MAPKBP1: variants seen among roughly 807,000 people sequenced by gnomAD.
MAPKBP1 encodes mitogen-activated protein kinase binding protein 1.
MAPKBP1 carries 71 observed loss-of-function variants against 170.5 expected under a neutral mutation model. The observed-to-expected ratio is 0.42, with a 90% confidence interval of 0.34 to 0.51. The LOEUF is 0.51. Ranked by LOEUF, MAPKBP1 falls within the 20% of genes least tolerant of loss-of-function variation. The pLI, the probability that MAPKBP1 is intolerant of heterozygous loss-of-function variation, is 0.06. For synonymous variants in MAPKBP1, 719 were observed against 757.9 expected (o/e 0.95, Z 0.84); for missense variants, 1,598 against 1,933.0 (o/e 0.83, Z 3.25).
chr15:41,787,511 G>A (rs548028664), intron 2 of MAPKBP1, among the ~76,000 whole-genome samples: 1 of 152,164 alleles, frequency 6.6e-6, no homozygotes, highest in South Asian at 2.1e-4. Flanking sequence ...GGGACTACAG[G>A]CACCCGCCAC....
Position 41,825,243 on chromosome 15 carries a change from G to A in MAPKBP1, c.4334G>A (p.Ser1445Asn), listed in dbSNP as rs1162633502. 1.1e-5 allele frequency: 18 copies of A among 1,600,752 alleles called. No individual in the cohort carries two copies. Among genetic ancestry groups the A allele is most frequent in the Non-Finnish European group, 1.5e-5 (18 of 1,169,596 alleles). ...TGCAAGATGCCCTCAGCAGAGCAAA[G>A]TCGGATTGCCCAGCTCCTCAGAGAC... ...AGCKMPSAEQ[S>N]RIAQLLRDTF... is the part of the protein sequence containing the mutation. Residue 1445 changes from serine to asparagine, a missense_variant, in exon 31 of 31, where the codon AGT (serine) becomes AAT (asparagine). Physicochemically the swap from Ser to Asn is conservative, Grantham distance 46. Around this residue, in one of 6 missense-constraint regions of MAPKBP1, gnomAD observed 942 missense variants for 953.2 expected, o/e 0.99. Coordinates refer to ENST00000457542, the MANE Select transcript of MAPKBP1 (RefSeq NM_014994.3).
Position 41,824,557 on chromosome 15 carries a change from GC to G in MAPKBP1, c.4288del (p.Leu1430SerfsTer89). 6.3e-7 allele frequency: 1 copy of G among 1,596,962 alleles called. No individual in the cohort carries two copies. Among genetic ancestry groups the G allele is most frequent in the Non-Finnish European group, 8.5e-7 (1 of 1,173,400 alleles). On this transcript the variant is annotated frameshift_variant, in exon 30 of 31. Coordinates refer to ENST00000457542, the MANE Select transcript of MAPKBP1 (RefSeq NM_014994.3). LOFTEE classifies it high-confidence loss of function. ...GCGGCAGCGTGCGCCAGGCAGTGCG[GC>G]TCTACCACTCGGTGGGTGTTAGGTG... ...LRGSVRQAVR[L>X]YHSVAGCKMP...
chr15:41,785,097 A>G (rs749292890), intron 2 of MAPKBP1, among the ~76,000 whole-genome samples: 1 of 152,160 alleles, frequency 6.6e-6, no homozygotes, highest in Non-Finnish European at 1.5e-5. Flanking sequence ...TCACAGCTAT[A>G]AGGGGTTGCT....
At chr15:41,786,777 A>AAAAAAAAAAAATATATATATATAT in intron 2 of MAPKBP1, among the ~76,000 whole-genome samples, 3 of 32,450 alleles carry the variant, frequency 9.2e-5, no homozygotes, top group African/African-American at 1.3e-4. Flanking sequence ...AAAAAAAAAA[A>AAAAAAAAAAAATATATATATATAT]ATATATATAT....
At chr15:41,800,032 T>C in intron 3 of MAPKBP1, 118 bp downstream of exon 3, 1 of 856,176 alleles carries the variant, frequency 1.2e-6, no homozygotes, top group Middle Eastern at 2.3e-4. Context: ...GTTAATGTTT[T>C]GTTGTCATTT....
intron 2 of MAPKBP1, among the ~76,000 whole-genome samples, chr15:41,794,108 T>C (rs1299029485): frequency 1.3e-5 from 2 of 152,106 alleles, no homozygotes; most frequent in Non-Finnish European, 2.9e-5. Flanking sequence ...GGTGGGTGCC[T>C]GTAATCCTAG....
Position 41,821,018 on chromosome 15 carries a change from G to T in MAPKBP1, c.2668G>T (p.Gly890Cys). ...SQDSLAIIPS[G>C]PRKHGQEALE... Reference sequence around the variant, plus strand: ...GGACTCGCTGGCCATCATCCCATCTGGTCCCAGGAAGCATGGGCAGGAGGC... The same window carrying T: ...GGACTCGCTGGCCATCATCCCATCTTGTCCCAGGAAGCATGGGCAGGAGGC... Residue 890 changes from glycine (G) to cysteine (C), a missense_variant, in exon 23 of 31, where the codon GGT becomes TGT. By Grantham distance (159) the Gly-to-Cys change is radical. Coordinates refer to ENST00000457542, the MANE Select transcript of MAPKBP1 (RefSeq NM_014994.3). The T allele has an allele frequency of 6.2e-7, 1 of 1,614,168 alleles. No individual in the cohort carries two copies. Among genetic ancestry groups the T allele is most frequent in the East Asian group, 2.2e-5 (1 of 44,882 alleles).
rs375602517 is a variant in MAPKBP1 at position 41,811,989 on chromosome 15, C to T, written c.360C>T (p.Asp120=). The change falls in exon 6 of 31, where the codon GAC becomes GAT. Residue 120 remains aspartate, a synonymous_variant. Coordinates refer to ENST00000457542, the MANE Select transcript of MAPKBP1 (RefSeq NM_014994.3). Reference sequence around the variant, plus strand: ...ACATGCCTGCCGTGCGGGTTTGGGACGTGGCAGAGCACAGCCAGGTGGCCG... The same window carrying T: ...ACATGCCTGCCGTGCGGGTTTGGGATGTGGCAGAGCACAGCCAGGTGGCCG... ...SGHMPAVRVW[D]VAEHSQVAEL... is the part of the protein sequence containing the mutation. 54 of 1,613,964 alleles carry T rather than the reference C, an allele frequency of 3.3e-5. No individual in the cohort carries two copies. The highest frequency in any genetic ancestry group is 1.1e-4 in the South Asian group (10 of 91,078).
At chr15:41,803,845 A>G (rs541472286) in intron 3 of MAPKBP1, among the ~76,000 whole-genome samples, 3 of 151,804 alleles carry the variant, frequency 2.0e-5, no homozygotes, top group Non-Finnish European at 2.9e-5. Context: ...GGGAGACCAC[A>G]CTGTTTTTTT....
intron 12 of MAPKBP1, chr15:41,816,140 T>A (rs920227260): frequency 8.8e-6 from 3 of 342,442 alleles, no homozygotes; most frequent in Non-Finnish European, 1.6e-5. Flanking sequence ...GAGTAACTGA[T>A]CAATACTCTT....
At chr15:41,788,394 G>T (rs1287694046) in intron 2 of MAPKBP1, among the ~76,000 whole-genome samples, 2 of 152,210 alleles carry the variant, frequency 1.3e-5, no homozygotes, top group South Asian at 2.1e-4. Flanking sequence ...GTGTAGACTG[G>T]TAGGAGAGAT....
Position 41,775,320 on chromosome 15 carries a change from G to C in MAPKBP1, c.45G>C (p.Leu15=), listed in dbSNP as rs964534101. 3.1e-6 allele frequency: 5 copies of C among 1,614,044 alleles called. No individual in the cohort carries two copies. Among genetic ancestry groups the C allele is most frequent in the Middle Eastern group, 1.6e-4 (1 of 6,084 alleles). The change falls in exon 2 of 31, where the codon CTG becomes CTC. Residue 15 remains leucine, a synonymous_variant. Coordinates refer to ENST00000457542, the MANE Select transcript of MAPKBP1 (RefSeq NM_014994.3). ...CCATTACCAGCCGGATCAAGAATCTGTTGAGATCTCCATCCATCAAACTGC... is the reference window on the plus strand; with the variant it reads ...CCATTACCAGCCGGATCAAGAATCTCTTGAGATCTCCATCCATCAAACTGC... ...GSTITSRIKN[L]LRSPSIKLRR...
rs2064844218 is a variant in MAPKBP1 at position 41,813,750 on chromosome 15, G to A, written c.949G>A (p.Gly317Arg). 1 of 1,608,864 alleles carries A rather than the reference G, an allele frequency of 6.2e-7. No individual in the cohort carries two copies. The highest frequency in any genetic ancestry group is 8.5e-7 in the Non-Finnish European group (1 of 1,177,838). Residue 317 changes from glycine (G) to arginine (R), a missense_variant, in exon 9 of 31, where the codon GGG becomes AGG. This residue lies in a region of MAPKBP1 where 430 missense variants were observed against 617.2 expected (regional missense o/e 0.70). Coordinates refer to ENST00000457542, the MANE Select transcript of MAPKBP1 (RefSeq NM_014994.3). ...CACCTTGCCCCGACCCCATGCTCTG[G>A]GGACAGACATTGCTAGCGTCACCGA... ...LSTLPRPHAL[G>R]TDIASVTEAS...
chr15:41,816,075 C>G (rs2064885431), intron 12 of MAPKBP1, among the ~76,000 whole-genome samples: 1 of 152,198 alleles, frequency 6.6e-6, no homozygotes, highest in African/African-American at 2.4e-5. Context: ...AATGCATAAA[C>G]TCAATATAGG....
At chr15:41,801,226 G>A (rs186902404) in intron 3 of MAPKBP1, among the ~76,000 whole-genome samples, 1 of 152,286 alleles carries the variant, frequency 6.6e-6, no homozygotes, top group African/African-American at 2.4e-5. Context: ...AGAGAGATCA[G>A]TGCCATAGAA....
intron 1 of MAPKBP1, 189 bp downstream of exon 1, chr15:41,774,799 A>C (rs1214953814): frequency 7.5e-6 from 3 of 399,130 alleles, no homozygotes; most frequent in African/African-American, 6.2e-5. Flanking sequence ...CGCCGGCGCT[A>C]GCGCAGGTGT....
In MAPKBP1 at chr15:41,825,323, A is replaced by G; in HGVS notation, c.4414A>G (p.Ser1472Gly). The change falls in exon 31 of 31, where the codon AGC becomes GGC. Residue 1472 changes from serine to glycine, a missense_variant. Transcript: ENST00000457542. Reference protein sequence around the residue: ...LEAVAGAVLSSPGSSPGAVGA... With the variant: ...LEAVAGAVLSGPGSSPGAVGA... ...AGCTGTGGCTGGGGCAGTGCTGTCC[A>G]GCCCAGGCAGCAGCCCTGGGGCTGT... The G allele has an allele frequency of 6.2e-7, 1 of 1,613,270 alleles. No homozygotes were observed. The highest frequency in any genetic ancestry group is 1.3e-5 in the African/African-American group (1 of 75,062).
intron 2 of MAPKBP1, among the ~76,000 whole-genome samples, chr15:41,775,628 A>G (rs1374400675): frequency 1.3e-5 from 2 of 152,218 alleles, no homozygotes; most frequent in African/African-American, 2.4e-5. Context: ...CCTGGGTTCA[A>G]TTGTGGCCTC....
chr15:41,784,568 G>A (rs1294081852), intron 2 of MAPKBP1, among the ~76,000 whole-genome samples: 2 of 152,040 alleles, frequency 1.3e-5, no homozygotes, highest in African/African-American at 2.4e-5. Flanking sequence ...TGGATCACAA[G>A]GTCAAGAGAT....
Sources: gnomAD v4.1 joint callset for allele counts (sites outside exome capture counted in the v4.1 genomes callset) on GRCh38, gnomAD v4.1.1 for gene constraint, gnomAD v4.1.1 regional missense constraint, MANE v1.5 for transcripts, NCBI Gene and HGNC (gene_info 2026-07-23, HGNC 2026-07-21) for gene names.